MTG1: variants seen among roughly 807,000 people sequenced by gnomAD.
MTG1 encodes the protein mitochondrial ribosome associated GTPase 1.
In MTG1, 30 loss-of-function variants were observed where a neutral mutation model predicts 39.5. The ratio of observed to expected loss-of-function variants is 0.76; its 90% CI spans 0.57 to 1.03. The LOEUF is 1.03. Ranked by LOEUF, MTG1 falls within the 50% of genes least tolerant of loss-of-function variation. The pLI, the probability that MTG1 is intolerant of heterozygous loss-of-function variation, is 0.00. For missense variants in MTG1, 513 were observed against 447.4 expected, an observed-to-expected ratio of 1.15 and a Z score of -1.32; for synonymous variants, 217 against 179.0, an observed-to-expected ratio of 1.21 and a Z score of -1.69.
At chr10:133,397,592 C>A (rs1849802546) in intron 3 of MTG1, among the ~76,000 whole-genome samples, 1 of 151,840 alleles carries the variant, frequency 6.6e-6, no homozygotes, top group Non-Finnish European at 1.5e-5. Flanking sequence ...CATTCTCCTG[C>A]CTCAGCCTCC....
intron 3 of MTG1, among the ~76,000 whole-genome samples, chr10:133,397,795 T>TA (rs71016446): frequency 2.0e-5 from 3 of 151,332 alleles, no homozygotes; most frequent in Non-Finnish European, 2.9e-5. Flanking sequence ...TTTTTTTTTT[T>TA]AAATCATCGC....
In MTG1 at chr10:133,398,499, A is replaced by C; in HGVS notation, c.347A>C (p.Asp116Ala). The C allele has an allele frequency of 6.2e-7, 1 of 1,613,758 alleles. No individual in the cohort carries two copies. The highest frequency in any genetic ancestry group is 8.5e-7 in the Non-Finnish European group (1 of 1,179,946). Residue 116 changes from aspartate (D) to alanine (A), a missense_variant, in exon 4 of 11, where the codon GAT becomes GCT. Coordinates refer to ENST00000317502, the MANE Select transcript of MTG1 (RefSeq NM_138384.4). ...GTCATTTTTACCAACTGTGTAAAGG[A>C]TGAAAATGTCAAGCAGGTAGGCTTT... ...KNVIFTNCVK[D>A]ENVKQIIPMV...
Position 133,402,076 on chromosome 10 carries a change from C to T in MTG1, c.574-73C>T, listed in dbSNP as rs1849885757. 1 of 1,589,670 alleles carries T rather than the reference C, an allele frequency of 6.3e-7. No homozygotes were observed. The highest frequency in any genetic ancestry group is 8.6e-7 in the Non-Finnish European group (1 of 1,162,126). Reference sequence around the variant, plus strand: ...GGAGCATTGGGTGCCAGGGGCTGCCCAGGCTTCCTGAGTGGCCCACCTGGG... The same window carrying T: ...GGAGCATTGGGTGCCAGGGGCTGCCTAGGCTTCCTGAGTGGCCCACCTGGG... On this transcript the variant is annotated intron_variant, in intron 7 of 10. Transcript: ENST00000317502. The surrounding 1 kb of genome is among the most constrained non-coding windows in gnomAD (Gnocchi z 4.7).
rs145902760 is a variant in MTG1 at position 133,410,161 on chromosome 10, G to A, written c.752+7388G>A. The stretch of plus-strand genomic sequence containing the variant: ...CCTGGGCTCAAGCAGTCTTCCCACC[G>A]CAGCCTCCTGATAGTTAGGACTACA... On this transcript the variant is annotated intron_variant, in intron 9 of 10. Transcript: ENST00000317502. 7.4e-3 allele frequency among the ~76,000 whole-genome samples: 1,129 copies of A among 152,104 alleles called. 9 individuals are homozygous for A. Among genetic ancestry groups the A allele is most frequent in the African/African-American group, 0.023 (952 of 41,506 alleles).
intron 9 of MTG1, among the ~76,000 whole-genome samples, chr10:133,410,710 T>C (rs1850034563): frequency 6.6e-6 from 1 of 152,234 alleles, no homozygotes; most frequent in African/African-American, 2.4e-5. Flanking sequence ...AGTTTGAGGC[T>C]GCAGTGAGCT....
In MTG1 at chr10:133,395,768, C is replaced by G; in HGVS notation, c.168C>G (p.His56Gln). The G allele has an allele frequency of 6.2e-7, 1 of 1,613,958 alleles. No homozygotes were observed. Among genetic ancestry groups the G allele is most frequent in the Non-Finnish European group, 8.5e-7 (1 of 1,179,930 alleles). Residue 56 changes from histidine (H) to glutamine (Q), a missense_variant, in exon 2 of 11, where the codon CAC (histidine) becomes CAG (glutamine). By Grantham distance (24) the His-to-Gln change is conservative. Transcript: ENST00000317502. ...LKLVDCIIEV[H>Q]DARIPLSGRN... ...TGGTGGACTGTATCATCGAGGTCCA[C>G]GATGCCCGGATATCCTTTCACAGAG...
chr10:133,399,021 A>G (rs1399839560), intron 4 of MTG1, 149 bp from the exon 5 acceptor site: 1 of 833,292 alleles, frequency 1.2e-6, no homozygotes, highest in East Asian at 2.6e-5. Flanking sequence ...TGTTGGGTAG[A>G]ATTCCAGATA....
chr10:133,417,612 T>G (rs1206362596), intron 9 of MTG1, among the ~76,000 whole-genome samples: 2 of 151,974 alleles, frequency 1.3e-5, no homozygotes, highest in Non-Finnish European at 2.9e-5. Context: ...ATGACATGAT[T>G]GTATATCTAG....
rs1401252916 is a variant in MTG1 at position 133,420,167 on chromosome 10, C to T, written c.*2C>T. On this transcript the variant is annotated 3_prime_UTR_variant, in exon 11 of 11. Transcript: ENST00000317502. ...CCCCCGGCTGAGACTTTGCCCTGAA[C>T]TTGTCCGGGTAGGGAGGGCCGGAGG... 6.2e-7 allele frequency: 1 copy of T among 1,607,338 alleles called. No homozygotes were observed. Among genetic ancestry groups the T allele is most frequent in the Non-Finnish European group, 8.5e-7 (1 of 1,176,748 alleles).
rs1016640800 is a variant in MTG1 at position 133,395,878 on chromosome 10, T to A, written c.177+101T>A. 2.5e-6 allele frequency: 3 copies of A among 1,211,104 alleles called. No homozygotes were observed. The East Asian group carries it at 7.5e-5, about 30-fold the overall frequency. The allele number at this position is 1,211,104 out of a possible 1,614,324, so 75.0% of individuals were successfully genotyped here. A position where few individuals can be genotyped will look rare whatever the true frequency, so the allele number is the denominator to read the frequency against. The stretch of plus-strand genomic sequence containing the variant: ...TAAAAATATGAATTGCGAGGCCCCT[T>A]TCTAGACCAGTTAATCAGAATCTGT... On this transcript the variant is annotated intron_variant, in intron 2 of 10. Coordinates refer to ENST00000317502, the MANE Select transcript of MTG1 (RefSeq NM_138384.4).
intron 9 of MTG1, among the ~76,000 whole-genome samples, chr10:133,409,141 G>A (rs1047451306): frequency 6.6e-6 from 1 of 151,372 alleles, no homozygotes; most frequent in African/African-American, 2.4e-5. Context: ...TAGGTTATTT[G>A]GAGTCTTCTG....
chr10:133,417,907 C>T (rs1169931313), intron 9 of MTG1, among the ~76,000 whole-genome samples: 1 of 152,252 alleles, frequency 6.6e-6, no homozygotes, highest in Non-Finnish European at 1.5e-5. Context: ...ATTCCATGCT[C>T]ATTGGTAGGA....
At position 133,421,908 on chromosome 10, in the gene MTG1, G is replaced by A. The variant is rs555764975; in HGVS notation, c.*1743G>A. On this transcript the variant is annotated 3_prime_UTR_variant, in exon 11 of 11. Transcript: ENST00000317502. ...GTGAGATCCCAAGGCCACGGCGGGG[G>A]GCAGGGAGAACCCCTCCTACCCTGG... The A allele has an allele frequency of 2.7e-5, 4 of 147,286 alleles. 1 individual carries two copies. The highest frequency in any genetic ancestry group is 4.5e-4 in the East Asian group (2 of 4,424). 9.1% of individuals were successfully genotyped at this position (147,286 alleles called of 1,614,324 possible). A position where few individuals can be genotyped will look rare whatever the true frequency, so the allele number is the denominator to read the frequency against.
chr10:133,398,209 T>A (rs1181692276), intron 3 of MTG1, among the ~76,000 whole-genome samples: 1 of 152,244 alleles, frequency 6.6e-6, no homozygotes, highest in Non-Finnish European at 1.5e-5. Flanking sequence ...GATACTGCTT[T>A]GCACTAGTTT....
intron 9 of MTG1, among the ~76,000 whole-genome samples, chr10:133,403,848 G>A (rs774722915): frequency 5.3e-5 from 8 of 152,110 alleles, no homozygotes; most frequent in African/African-American, 1.4e-4. Context: ...TTAAGAAACC[G>A]CCACATTGTT....
chr10:133,395,644 G>T, intron 1 of MTG1, 69 bp from the exon 2 acceptor site: 1 of 1,461,538 alleles, frequency 6.8e-7, no homozygotes, highest in Non-Finnish European at 9.6e-7. Flanking sequence ...ATTCTGGACG[G>T]TTCAGCTTGA....
intron 9 of MTG1, among the ~76,000 whole-genome samples, chr10:133,416,050 C>T (rs1237280981): frequency 1.6e-5 from 2 of 127,280 alleles, no homozygotes; most frequent in East Asian, 4.3e-4. Context: ...GTCGGGCAGG[C>T]GGGCGTCAGG....
chr10:133,407,045 A>T (rs1849979283), intron 9 of MTG1, among the ~76,000 whole-genome samples: 1 of 150,700 alleles, frequency 6.6e-6, no homozygotes, highest in African/African-American at 2.4e-5. Context: ...GCACCCTTTT[A>T]TGGGAGAGAC....
chr10:133,401,366 A>T, intron 6 of MTG1, 163 bp from the exon 7 acceptor site: 1 of 555,878 alleles, frequency 1.8e-6, no homozygotes. Context: ...TTTTGGCCAG[A>T]TATGTTTGTT....
Sources: gnomAD v4.1 joint callset for allele counts (sites outside exome capture counted in the v4.1 genomes callset) on GRCh38, gnomAD v4.1.1 for gene constraint, Gnocchi (gnomAD v3.1) non-coding constraint, MANE v1.5 for transcripts, NCBI Gene and HGNC (gene_info 2026-07-23, HGNC 2026-07-21) for gene names.